Variants in APPBP2 observed in about 807,000 individuals in gnomAD.
APPBP2 encodes amyloid beta precursor protein binding protein 2.
APPBP2 carries 15 observed loss-of-function variants against 76.0 expected under a neutral mutation model. That is an observed-to-expected ratio of 0.20 (90% CI 0.13 to 0.30). The LOEUF is 0.30. APPBP2 is among the 10% of genes least tolerant of loss of function. The pLI is 1.00. For synonymous variants in APPBP2, 222 were observed against 242.2 expected (o/e 0.92, Z 0.77); for missense variants, 401 against 687.2 (o/e 0.58, Z 4.66).
intron 3 of APPBP2, among the ~76,000 whole-genome samples, chr17:60,481,704 C>G (rs1179522947): frequency 1.3e-5 from 2 of 152,092 alleles, no homozygotes; most frequent in African/African-American, 2.4e-5. Flanking sequence ...AATCCAGAAC[C>G]AAATTTATTT....
intron 1 of APPBP2, among the ~76,000 whole-genome samples, chr17:60,517,034 G>A (rs2143497311): frequency 6.6e-6 from 1 of 152,286 alleles, no homozygotes; most frequent in Non-Finnish European, 1.5e-5. Context: ...GGAGTGCAAT[G>A]TCATGATCTC....
intron 3 of APPBP2, among the ~76,000 whole-genome samples, chr17:60,486,698 A>T (rs1465475289): frequency 6.6e-6 from 1 of 152,112 alleles, no homozygotes; most frequent in Non-Finnish European, 1.5e-5. Flanking sequence ...TTTATATTTA[A>T]GGTTAGTATT....
chr17:60,465,180 G>A (rs1005516728), intron 5 of APPBP2: 3 of 152,192 alleles, frequency 2.0e-5, no homozygotes, highest in African/African-American at 7.2e-5. Flanking sequence ...TGCCCAGGCT[G>A]GTAATGTTCT....
chr17:60,449,284 T>C (rs1205120487), intron 12 of APPBP2, among the ~76,000 whole-genome samples: 5 of 149,512 alleles, frequency 3.3e-5, no homozygotes, highest in East Asian at 1.9e-4. Flanking sequence ...GAACACAGTA[T>C]AGCAGAGGGA....
At position 60,444,173 on chromosome 17, in the gene APPBP2, C is replaced by A. The variant is rs2143259292; in HGVS notation, c.*3408G>T. The A allele has an allele frequency of 6.6e-6, 1 of 152,264 alleles. No homozygotes were observed. The highest frequency in any genetic ancestry group is 1.9e-4 in the East Asian group (1 of 5,180). The allele number at this position is 152,264 out of a possible 1,614,324, so 9.4% of individuals were successfully genotyped here. On this transcript the variant is annotated 3_prime_UTR_variant, in exon 13 of 13. Coordinates refer to ENST00000083182, the MANE Select transcript of APPBP2 (RefSeq NM_006380.5). ...TCCTGGCAACTAAGTTCCTCCACAG[C>A]CAAGAGGTGAAGTACACATCCACTT...
chr17:60,487,702 TGTCAAA>T (rs1388081462), intron 3 of APPBP2, among the ~76,000 whole-genome samples: 2 of 152,212 alleles, frequency 1.3e-5, no homozygotes, highest in Non-Finnish European at 2.9e-5. Context: ...TCTGTCAACT[TGTCAAA>T]GTCATTCTCC....
chr17:60,496,249 A>C (rs2090774701), intron 2 of APPBP2, among the ~76,000 whole-genome samples: 1 of 152,236 alleles, frequency 6.6e-6, no homozygotes, highest in African/African-American at 2.4e-5. Context: ...AATCTTGTGA[A>C]TAGTTGAATG....
chr17:60,485,558 T>C (rs187969418), intron 3 of APPBP2, among the ~76,000 whole-genome samples: 1 of 152,334 alleles, frequency 6.6e-6, no homozygotes, highest in Non-Finnish European at 1.5e-5. Flanking sequence ...ATCCCCTTTA[T>C]CATTTTTTAT....
At chr17:60,524,077 A>T (rs1039988307) in intron 1 of APPBP2, among the ~76,000 whole-genome samples, 7 of 152,222 alleles carry the variant, frequency 4.6e-5, no homozygotes, top group African/African-American at 1.7e-4. Context: ...AGTGTACCAA[A>T]AAGGAGCAAT....
intron 10 of APPBP2, among the ~76,000 whole-genome samples, chr17:60,455,142 T>C (rs1371029941): frequency 6.6e-6 from 1 of 152,028 alleles, no homozygotes; most frequent in Non-Finnish European, 1.5e-5. Flanking sequence ...TAAAAATAAT[T>C]ATAAGAGTCA....
chr17:60,488,341 T>G (rs2090698103), intron 3 of APPBP2, among the ~76,000 whole-genome samples: 1 of 152,150 alleles, frequency 6.6e-6, no homozygotes, highest in Non-Finnish European at 1.5e-5. Flanking sequence ...AAATATTATT[T>G]ATATTAAATT....
chr17:60,471,753 A>C (rs1387215574), intron 4 of APPBP2, among the ~76,000 whole-genome samples: 6 of 152,252 alleles, frequency 3.9e-5, no homozygotes, highest in African/African-American at 7.2e-5. Flanking sequence ...ATCCATATTC[A>C]TAAGAGATAC....
chr17:60,474,012 T>C (rs1266467269), intron 4 of APPBP2, among the ~76,000 whole-genome samples: 1 of 152,176 alleles, frequency 6.6e-6, no homozygotes, highest in Non-Finnish European at 1.5e-5. Context: ...GGCTTTTCAA[T>C]TTCTCCTATG....
rs2091054109 is a variant in APPBP2, at chr17:60,526,181, G to T, written c.-250C>A. Reference sequence around the variant, plus strand: ...CCAGGCCAAAAGCGTCACAATCCCGGTTCGAGAGGAACCCGGGTTCCGTCC... The same window carrying T: ...CCAGGCCAAAAGCGTCACAATCCCGTTTCGAGAGGAACCCGGGTTCCGTCC... On this transcript the variant is annotated 5_prime_UTR_variant, in exon 1 of 13. Coordinates refer to ENST00000083182, the MANE Select transcript of APPBP2 (RefSeq NM_006380.5). 2.0e-6 allele frequency: 1 copy of T among 495,562 alleles called. No individual in the cohort carries two copies. The allele number at this position is 495,562 out of a possible 1,614,324, so 30.7% of individuals were successfully genotyped here.
chr17:60,512,698 G>A (rs925753625), intron 1 of APPBP2, among the ~76,000 whole-genome samples: 1 of 151,564 alleles, frequency 6.6e-6, no homozygotes, highest in African/African-American at 2.4e-5. Context: ...AGTCGGGTGT[G>A]ATGGCACGCA....
At chr17:60,496,874 C>A (rs2090780113) in intron 2 of APPBP2, among the ~76,000 whole-genome samples, 1 of 152,134 alleles carries the variant, frequency 6.6e-6, no homozygotes, top group South Asian at 2.1e-4. Flanking sequence ...GCATGAGCTA[C>A]CACGCCCAGC....
intron 3 of APPBP2, among the ~76,000 whole-genome samples, chr17:60,480,898 T>C (rs954824284): frequency 6.6e-6 from 1 of 152,200 alleles, no homozygotes; most frequent in African/African-American, 2.4e-5. Flanking sequence ...TTAGTGAGGT[T>C]CCTGCTGACA....
chr17:60,505,564 C>A (rs2090860006), intron 1 of APPBP2, among the ~76,000 whole-genome samples: 1 of 151,934 alleles, frequency 6.6e-6, no homozygotes, highest in Non-Finnish European at 1.5e-5. Flanking sequence ...ATCCGCCCAC[C>A]GTGGCCTCCC....
In APPBP2 at chr17:60,453,288, A is replaced by ATTCTCCTGTC. The variant is rs1434150637; in HGVS notation, c.1338+1004_1338+1013dup. On this transcript the variant is annotated intron_variant, in intron 11 of 12. Transcript: ENST00000083182. ...AATCTCCATCTCCCAGGTTCAAGCA[A>ATTCTCCTGTC]TTCTCCTGTCTCAGCCTCCTGAGTA... Among the ~76,000 whole-genome samples the ATTCTCCTGTC allele has an allele frequency of 9.9e-5, 15 of 152,020 alleles. No homozygotes were observed. In the East Asian group the frequency reaches 2.9e-3, roughly 29 times the overall value.
Sources: gnomAD v4.1 joint callset for allele counts (sites outside exome capture counted in the v4.1 genomes callset) on GRCh38, gnomAD v4.1.1 for gene constraint, MANE v1.5 for transcripts, NCBI Gene and HGNC (gene_info 2026-07-23, HGNC 2026-07-21) for gene names.